The following COL16A1 variants were observed in gnomAD, a reference collection of about 807,000 sequenced individuals.
COL16A1 encodes collagen type XVI alpha 1 chain, also known as collagen alpha-1(XVI) chain.
Under a neutral mutation model 266.3 loss-of-function variants are expected in COL16A1, and 189 were observed. That is an observed-to-expected ratio of 0.71 (90% CI 0.63 to 0.80). The LOEUF (loss-of-function observed/expected upper bound fraction) is 0.80, where lower values mean the gene tolerates loss of function less well. COL16A1 is among the 30% of genes least tolerant of loss of function. COL16A1 has a pLI of 0.00. For missense variants in COL16A1, 1,928 were observed against 2,122.4 expected, an observed-to-expected ratio of 0.91 and a Z score of 1.80; for synonymous variants, 740 against 782.3, an observed-to-expected ratio of 0.95 and a Z score of 0.90.
chr1:31,677,634 G>A (rs1274343186), intron 42 of COL16A1, among the ~76,000 whole-genome samples: 2 of 152,340 alleles, frequency 1.3e-5, no homozygotes, highest in East Asian at 3.9e-4. Context: ...TCTGTGGAAT[G>A]GACTGAGATG....
intron 52 of COL16A1, chr1:31,666,422 C>T: frequency 3.1e-6 from 1 of 318,998 alleles, no homozygotes; most frequent in South Asian, 4.7e-5. Context: ...TCCACCAACG[C>T]TGGTCTTTGA....
Position 31,675,247 on chromosome 1 carries a change from C to T in COL16A1, c.2826+11G>A, listed in dbSNP as rs1371453293. 2 of 1,614,208 alleles carry T rather than the reference C, an allele frequency of 1.2e-6. No individual in the cohort carries two copies. The highest frequency in any genetic ancestry group is 1.7e-6 in the Non-Finnish European group (2 of 1,180,034). On this transcript the variant is annotated intron_variant, in intron 43 of 70. Coordinates refer to ENST00000373672, the MANE Select transcript of COL16A1 (RefSeq NM_001856.4). ...AAGGGGCATGCACAGGGAGTCCTGG[C>T]CAGTACCCACCAGTTCTGCAGTGAG...
chr1:31,695,609 A>T, intron 10 of COL16A1, 152 bp downstream of exon 10: 3 of 804,916 alleles, frequency 3.7e-6, no homozygotes, highest in Non-Finnish European at 6.4e-6. Context: ...AACGAGAGGC[A>T]GTGGACAGAC....
At chr1:31,666,232 T>A (rs1022757692) in intron 52 of COL16A1, 151 bp from the exon 53 acceptor site, 28 of 798,628 alleles carry the variant, frequency 3.5e-5, no homozygotes, top group Non-Finnish European at 5.3e-5. Context: ...CTGCTCAGGC[T>A]TCCCTGCTCT....
chr1:31,698,514 A>G lies in COL16A1; in HGVS notation c.359T>C (p.Phe120Ser). 1 of 1,614,124 alleles carries G rather than the reference A, an allele frequency of 6.2e-7. No individual in the cohort carries two copies. Among genetic ancestry groups the G allele is most frequent in the Non-Finnish European group, 8.5e-7 (1 of 1,180,026 alleles). Residue 120 changes from phenylalanine (F) to serine (S), a missense_variant, in exon 5 of 71, where the codon TTT becomes TCT. Around this residue, in one of 2 missense-constraint regions of COL16A1, gnomAD observed 1,552 missense variants for 1,637.2 expected, o/e 0.95. Coordinates refer to ENST00000373672, the MANE Select transcript of COL16A1 (RefSeq NM_001856.4). The surrounding 1 kb of genome is among the most constrained non-coding windows in gnomAD (Gnocchi z 4.1). ...ATACCCATTTGCATCGGTCACTTGA[A>G]ACAGATACCACGTCTTCTGGTGGGT... ...KHTHQKTWYL[F>S]QVTDANGYPQ...
In COL16A1 at chr1:31,690,592, A is replaced by G. The variant is rs773904908; in HGVS notation, c.1438-19T>C. Reference sequence around the variant, plus strand: ...AGCTGCCCTGTGGTCAGAAGAAAGGATAAGCGGGGAGCCTTCTGGCCAATG... The same window carrying G: ...AGCTGCCCTGTGGTCAGAAGAAAGGGTAAGCGGGGAGCCTTCTGGCCAATG... On this transcript the variant is annotated intron_variant, in intron 20 of 70. Transcript: ENST00000373672. 1.9e-6 allele frequency: 3 copies of G among 1,612,666 alleles called. No homozygotes were observed. Among genetic ancestry groups the G allele is most frequent in the Non-Finnish European group, 2.5e-6 (3 of 1,179,688 alleles).
intron 37 of COL16A1, among the ~76,000 whole-genome samples, chr1:31,682,346 C>A (rs1643706717): frequency 6.6e-6 from 1 of 152,242 alleles, no homozygotes; most frequent in Non-Finnish European, 1.5e-5. Flanking sequence ...TGGATCTGTG[C>A]CGTCTGATAC....
chr1:31,700,097 G>A lies in COL16A1; in HGVS notation c.92C>T (p.Ser31Leu). ...TTCCAATTTGAGTCCTTCCTGCTGTGAAGGTGGGCATTGTGCACCTAGAAG... is the reference window on the plus strand; with the variant it reads ...TTCCAATTTGAGTCCTTCCTGCTGTAAAGGTGGGCATTGTGCACCTAGAAG... ...GANTGAQCPP[S>L]QQEGLKLEHS... The change falls in exon 3 of 71, where the codon TCA (serine) becomes TTA (leucine). Residue 31 changes from serine (S) to leucine (L), a missense_variant. Ser to Leu is a moderately radical substitution (Grantham distance 145). Transcript: ENST00000373672. 6.2e-7 allele frequency: 1 copy of A among 1,614,208 alleles called. No individual in the cohort carries two copies.
At position 31,655,429 on chromosome 1, in the gene COL16A1, C is replaced by T. The variant is rs1641046357; in HGVS notation, c.4175G>A (p.Gly1392Asp). The T allele has an allele frequency of 6.2e-7, 1 of 1,614,184 alleles. No individual in the cohort carries two copies. Among genetic ancestry groups the T allele is most frequent in the Non-Finnish European group, 8.5e-7 (1 of 1,180,018 alleles). ...AACAGGCCCCATGGAACCACTCTTG[C>T]CAGGTCCACCAGGCATGCCGGCTCT... ...KGRAGMPGGP[G>D]KSGSMGPVGP... Residue 1392 changes from glycine (G) to aspartate (D), a missense_variant, in exon 67 of 71, where the codon GGC becomes GAC. By Grantham distance (94) the Gly-to-Asp change is moderately conservative. Transcript: ENST00000373672.
At chr1:31,666,352 T>G (rs1642143544) in intron 52 of COL16A1, 1 of 506,994 alleles carries the variant, frequency 2.0e-6, no homozygotes, top group African/African-American at 2.0e-5. Context: ...TCTGATTATG[T>G]CACTCTCTTG....
intron 31 of COL16A1, 61 bp downstream of exon 31, chr1:31,684,462 G>A (rs1268169566): frequency 8.2e-6 from 13 of 1,580,390 alleles, no homozygotes; most frequent in South Asian, 3.4e-5. Context: ...CCTCACTGGT[G>A]CGACACCTGA....
Position 31,665,876 on chromosome 1 carries a change from ACTCACCTGGTCGCCCTT to A in COL16A1, c.3445_3456+5del. The A allele has an allele frequency of 6.2e-7, 1 of 1,613,850 alleles. No homozygotes were observed. The highest frequency in any genetic ancestry group is 8.5e-7 in the Non-Finnish European group (1 of 1,179,906). ...TCCCTGCAGCCAGGTCCCAGTCGTC[ACTCACCTGGTCGCCCTT>A]CTCACCGGAGTTACCTTGGGGTCCT... On this transcript the variant is annotated splice_donor_variant and splice_donor_5th_base_variant and coding_sequence_variant and intron_variant, in exon 54 of 71. Coordinates refer to ENST00000373672, the MANE Select transcript of COL16A1 (RefSeq NM_001856.4). LOFTEE classifies it high-confidence loss of function.
chr1:31,687,314 G>A (rs1644028901), intron 26 of COL16A1, among the ~76,000 whole-genome samples: 1 of 151,088 alleles, frequency 6.6e-6, no homozygotes, highest in Non-Finnish European at 1.5e-5. Context: ...CCTGGGAGGT[G>A]GAGGTTGCAG....
intron 42 of COL16A1, chr1:31,679,429 A>G: frequency 6.3e-7 from 1 of 1,577,154 alleles, no homozygotes; most frequent in Non-Finnish European, 8.6e-7. Flanking sequence ...ATTGCTTGAA[A>G]CAGTGCTGGG....
At chr1:31,661,854 G>C (rs1186375547) in intron 58 of COL16A1, 150 bp from the exon 59 acceptor site, 1 of 808,278 alleles carries the variant, frequency 1.2e-6, no homozygotes, top group African/African-American at 1.7e-5. Flanking sequence ...ACTGGCTGTG[G>C]ATCCTCAGTG....
intron 46 of COL16A1, 28 bp from the exon 47 acceptor site, chr1:31,672,530 G>T: frequency 6.2e-7 from 1 of 1,613,980 alleles, no homozygotes; most frequent in Non-Finnish European, 8.5e-7. Context: ...CGGTGATAGT[G>T]AGCAGTCAGG....
chr1:31,669,004 G>A (rs1570413812), intron 49 of COL16A1, 149 bp from the exon 50 acceptor site: 10 of 671,276 alleles, frequency 1.5e-5, no homozygotes, highest in South Asian at 1.9e-5. Flanking sequence ...AAGGTGACCC[G>A]TAATGGGTGT....
rs764207413 is a variant in COL16A1 at position 31,689,035 on chromosome 1, G to T, written c.1656+15C>A. The T allele has an allele frequency of 1.9e-6, 3 of 1,613,818 alleles. No individual in the cohort carries two copies. In the East Asian group the frequency reaches 6.7e-5, roughly 36 times the overall value. ...TAGGCAGAGGAGGGCAGCCAGGAGA[G>T]CAGGGTTCCCTCACCTTCTCTCCTT... On this transcript the variant is annotated intron_variant, in intron 24 of 70. Transcript: ENST00000373672.
intron 61 of COL16A1, 59 bp from the exon 62 acceptor site, chr1:31,660,697 G>T: frequency 5.0e-6 from 8 of 1,607,438 alleles, no homozygotes; most frequent in Non-Finnish European, 6.8e-6. Flanking sequence ...GCACCATGTG[G>T]CTGTCGGATG....
Sources: allele counts gnomAD v4.1 joint callset (sites outside exome capture counted in the v4.1 genomes callset), GRCh38; gene constraint gnomAD v4.1.1; regional missense constraint gnomAD v4.1.1; non-coding constraint Gnocchi (gnomAD v3.1); transcripts MANE v1.5; gene names NCBI Gene and HGNC (gene_info 2026-07-23, HGNC 2026-07-21).